SSH2: variants seen among roughly 807,000 people sequenced by gnomAD.
SSH2 encodes protein phosphatase Slingshot homolog 2.
SSH2 carries 37 observed loss-of-function variants against 135.2 expected under a neutral mutation model. The ratio of observed to expected loss-of-function variants is 0.27; its 90% CI spans 0.21 to 0.36. SSH2 has a LOEUF of 0.36. SSH2 is among the 10% of genes least tolerant of loss of function. The pLI, the probability that SSH2 is intolerant of heterozygous loss-of-function variation, is 1.00. For synonymous variants in SSH2, 628 were observed against 646.2 expected, an observed-to-expected ratio of 0.97 and a Z score of 0.43; for missense variants, 1,408 against 1,765.3, an observed-to-expected ratio of 0.80 and a Z score of 3.63.
chr17:29,784,546 G>A (rs1236008606), intron 3 of SSH2, among the ~76,000 whole-genome samples: 6 of 150,868 alleles, frequency 4.0e-5, no homozygotes, highest in Admixed American at 2.0e-4. Context: ...GCAGTGAGCC[G>A]AGATTGCACC....
chr17:29,909,721 T>C (rs2066730751), intron 1 of SSH2, among the ~76,000 whole-genome samples: 1 of 152,176 alleles, frequency 6.6e-6, no homozygotes, highest in African/African-American at 2.4e-5. Flanking sequence ...TTATTTCCAG[T>C]GCTTACACTG....
At chr17:29,702,678 A>G (rs2039034873) in intron 4 of SSH2, among the ~76,000 whole-genome samples, 1 of 152,002 alleles carries the variant, frequency 6.6e-6, no homozygotes, top group African/African-American at 2.4e-5. Context: ...AAAACAAAAC[A>G]ACCCCAATCT....
intron 3 of SSH2, chr17:29,776,506 G>T (rs1245269105): frequency 6.6e-6 from 1 of 152,104 alleles, no homozygotes; most frequent in African/African-American, 2.4e-5. Context: ...AATAATAAAG[G>T]GTTGTTCTTG....
rs71138858 is a variant in SSH2 at position 29,784,384 on chromosome 17, CAA to C, written c.188+9508_188+9509del. ...TGGGCGACAGACCAAGATTCCATCT[CAA>C]AAAAAAAAAAGAGTAATTGGGGGCC... On this transcript the variant is annotated intron_variant, in intron 3 of 15. Transcript: ENST00000540801. Among the ~76,000 whole-genome samples the C allele has an allele frequency of 2.0e-3, 282 of 141,086 alleles. 1 individual carries two copies. The highest frequency in any genetic ancestry group is 6.6e-3 in the African/African-American group (259 of 39,328). 92.6% of individuals were successfully genotyped at this position (141,086 alleles called of 152,430 possible).
chr17:29,890,727 A>T (rs114619114), intron 1 of SSH2, among the ~76,000 whole-genome samples: 2,072 of 152,252 alleles, frequency 0.014, 61 homozygotes, highest in African/African-American at 0.047. Flanking sequence ...ATATCTGTGA[A>T]TATACCAAAA....
chr17:29,699,505 A>G (rs928059003), intron 4 of SSH2, among the ~76,000 whole-genome samples: 1 of 152,202 alleles, frequency 6.6e-6, no homozygotes, highest in Admixed American at 6.5e-5. Flanking sequence ...TCTGGATCAC[A>G]AGCAAGTCCA....
intron 2 of SSH2, among the ~76,000 whole-genome samples, chr17:29,808,752 T>A (rs1267357097): frequency 6.6e-6 from 1 of 152,172 alleles, no homozygotes; most frequent in African/African-American, 2.4e-5. Flanking sequence ...GACTCTGATA[T>A]GTGCATTTGC....
intron 3 of SSH2, among the ~76,000 whole-genome samples, chr17:29,743,264 T>A (rs1477896565): frequency 2.0e-5 from 3 of 152,200 alleles, no homozygotes; most frequent in Non-Finnish European, 4.4e-5. Context: ...CTGTATATAA[T>A]GGTAGAGAGT....
intron 1 of SSH2, among the ~76,000 whole-genome samples, chr17:29,857,364 C>T (rs569349246): frequency 6.6e-6 from 1 of 152,282 alleles, no homozygotes; most frequent in South Asian, 2.1e-4. Flanking sequence ...GACTTATTCA[C>T]TATCATGAGA....
chr17:29,888,865 G>A (rs1185617628), intron 1 of SSH2, among the ~76,000 whole-genome samples: 27 of 141,272 alleles, frequency 1.9e-4, no homozygotes, highest in African/African-American at 6.0e-4. Flanking sequence ...ACTTGAGCTC[G>A]GAGGGTTGAA....
intron 3 of SSH2, among the ~76,000 whole-genome samples, chr17:29,738,543 C>T (rs2040445327): frequency 6.7e-6 from 1 of 149,318 alleles, no homozygotes; most frequent in Non-Finnish European, 1.5e-5. Context: ...CTTTTTTTTT[C>T]TTTTTTATTT....
At chr17:29,717,055 C>T (rs1598867488) in intron 3 of SSH2, among the ~76,000 whole-genome samples, 2 of 152,172 alleles carry the variant, frequency 1.3e-5, no homozygotes, top group East Asian at 1.9e-4. Flanking sequence ...AGTTCCATAT[C>T]CTTTGTCAGT....
chr17:29,640,587 G>A (rs2036115947), intron 14 of SSH2: 1 of 151,778 alleles, frequency 6.6e-6, no homozygotes, highest in Non-Finnish European at 1.5e-5. Context: ...ACTGACACTT[G>A]TAAAAGAGAG....
At chr17:29,652,596 A>AG (rs2036621808) in intron 12 of SSH2, among the ~76,000 whole-genome samples, 1 of 152,158 alleles carries the variant, frequency 6.6e-6, no homozygotes, top group South Asian at 2.1e-4. Flanking sequence ...CCTGGGTGAC[A>AG]GGAAAAAAAG....
rs888512335 is a variant in SSH2, at chr17:29,632,436, A to G, written c.2758T>C (p.Leu920=). The change falls in exon 16 of 16, where the codon TTG becomes CTG. Residue 920 remains leucine, a synonymous_variant. Transcript: ENST00000540801. ...TTCTTTGAATTCTTACGAGTGGACAATGAGGTACATGTTGGGGCAGCACCA... is the reference window on the plus strand; with the variant it reads ...TTCTTTGAATTCTTACGAGTGGACAGTGAGGTACATGTTGGGGCAGCACCA... ...HHGAAPTCTS[L]STRKNSKNDS... is the part of the protein sequence containing the mutation. The G allele has an allele frequency of 6.2e-7, 1 of 1,614,196 alleles. No homozygotes were observed. The highest frequency in any genetic ancestry group is 8.5e-7 in the Non-Finnish European group (1 of 1,180,032).
chr17:29,676,900 G>C lies in SSH2; in HGVS notation c.549-15C>G, dbSNP rs2037744869. ...CACTGAACCCACTAAGGACAAATGA[G>C]AACAAGACAAAAATCCACAAATTAG... On this transcript the variant is annotated splice_polypyrimidine_tract_variant and intron_variant, in intron 7 of 15. Transcript: ENST00000540801. 6.2e-7 allele frequency: 1 copy of C among 1,611,130 alleles called. No individual in the cohort carries two copies. The highest frequency in any genetic ancestry group is 1.7e-5 in the Admixed American group (1 of 59,924).
chr17:29,851,900 A>G (rs547763827), intron 1 of SSH2, among the ~76,000 whole-genome samples: 1 of 152,304 alleles, frequency 6.6e-6, no homozygotes, highest in African/African-American at 2.4e-5. Flanking sequence ...TGAAGAGAGA[A>G]AAGTAAAAAT....
chr17:29,709,442 C>T (rs2039355495), intron 3 of SSH2, among the ~76,000 whole-genome samples: 1 of 152,028 alleles, frequency 6.6e-6, no homozygotes, highest in African/African-American at 2.4e-5. Context: ...TTTGGGAGGC[C>T]AAGGAGGGTG....
intron 12 of SSH2, among the ~76,000 whole-genome samples, chr17:29,652,218 C>A (rs2036606417): frequency 6.6e-6 from 1 of 152,150 alleles, no homozygotes; most frequent in Admixed American, 6.5e-5. Context: ...AAAATTACCA[C>A]AGGACCCAGC....
Sources: gnomAD v4.1 joint callset for allele counts (sites outside exome capture counted in the v4.1 genomes callset) on GRCh38, gnomAD v4.1.1 for gene constraint, MANE v1.5 for transcripts, NCBI Gene and HGNC (gene_info 2026-07-23, HGNC 2026-07-21) for gene names.